SCMH1: variants seen among roughly 807,000 people sequenced by gnomAD.
SCMH1 encodes the protein polycomb protein SCMH1.
A neutral mutation model predicts 70.8 loss-of-function variants in SCMH1; 37 were observed. The observed-to-expected ratio is 0.52, with a 90% confidence interval of 0.40 to 0.69. The LOEUF (loss-of-function observed/expected upper bound fraction) is 0.69, where lower values mean the gene tolerates loss of function less well. Among genes scored for constraint, SCMH1 ranks in the 30% least tolerant of loss-of-function variants. The pLI is 0.00. For synonymous variants in SCMH1, 292 were observed against 307.4 expected (o/e 0.95, Z 0.52); for missense variants, 607 against 827.3 (o/e 0.73, Z 3.27).
intron 1 of SCMH1, among the ~76,000 whole-genome samples, chr1:41,236,974 G>C (rs1049719047): frequency 1.3e-5 from 2 of 152,214 alleles, no homozygotes; most frequent in African/African-American, 4.8e-5. Flanking sequence ...TTGGAATGCT[G>C]TGGTTAAATT....
chr1:41,167,820 A>G (rs182109083), intron 2 of SCMH1, among the ~76,000 whole-genome samples: 1 of 151,776 alleles, frequency 6.6e-6, no homozygotes, highest in Non-Finnish European at 1.5e-5. Flanking sequence ...AGTGGGGATA[A>G]ATTCTGTTTT....
intron 2 of SCMH1, among the ~76,000 whole-genome samples, chr1:41,177,615 G>C (rs187982829): frequency 1.1e-3 from 163 of 152,308 alleles, no homozygotes; most frequent in African/African-American, 3.4e-3. Flanking sequence ...TAGCCGATTT[G>C]ATCAACTGGA....
chr1:41,155,193 A>G (rs28533882), intron 4 of SCMH1, among the ~76,000 whole-genome samples: 11,880 of 151,968 alleles, frequency 0.078, 597 homozygotes, highest in South Asian at 0.13. Flanking sequence ...ATTAAAAAAG[A>G]AAAAAAGGTA....
chr1:41,058,137 A>T (rs1651145303), intron 10 of SCMH1, among the ~76,000 whole-genome samples: 1 of 148,990 alleles, frequency 6.7e-6, no homozygotes, highest in Non-Finnish European at 1.5e-5. Context: ...AAAAAAAAAG[A>T]AAAAGAAAAA....
chr1:41,108,002 C>G (rs1229616613), intron 8 of SCMH1, among the ~76,000 whole-genome samples: 1 of 152,116 alleles, frequency 6.6e-6, no homozygotes, highest in Non-Finnish European at 1.5e-5. Flanking sequence ...CCCTCCAGAC[C>G]AGTGTAAGAA....
chr1:41,054,126 G>T (rs1158553497), intron 10 of SCMH1, among the ~76,000 whole-genome samples: 1 of 152,148 alleles, frequency 6.6e-6, no homozygotes, highest in Non-Finnish European at 1.5e-5. Flanking sequence ...TTACAGGTGT[G>T]AACCACCGCG....
At chr1:41,064,921 T>C (rs558192069) in intron 10 of SCMH1, among the ~76,000 whole-genome samples, 18 of 151,192 alleles carry the variant, frequency 1.2e-4, no homozygotes, top group African/African-American at 4.4e-4. Flanking sequence ...TTTCAAAAAA[T>C]AAAACAAACC....
At chr1:41,180,888 A>G (rs1207290936) in intron 2 of SCMH1, among the ~76,000 whole-genome samples, 7 of 152,228 alleles carry the variant, frequency 4.6e-5, no homozygotes, top group Non-Finnish European at 1.0e-4. Context: ...CCACATTGCC[A>G]AGTCAATCCT....
chr1:41,084,618 C>T (rs1410201335), intron 8 of SCMH1, among the ~76,000 whole-genome samples: 1 of 152,018 alleles, frequency 6.6e-6, no homozygotes, highest in African/African-American at 2.4e-5. Flanking sequence ...CCAGCCATCC[C>T]ATTACTGGGT....
intron 10 of SCMH1, 122 bp from the exon 11 acceptor site, chr1:41,049,012 G>T: frequency 1.1e-6 from 1 of 907,848 alleles, no homozygotes; most frequent in Non-Finnish European, 1.6e-6. Context: ...CCTAGCAGCT[G>T]AGCTGGTGAA....
chr1:41,085,582 T>C (rs1053041350), intron 8 of SCMH1, among the ~76,000 whole-genome samples: 1 of 152,208 alleles, frequency 6.6e-6, no homozygotes, highest in Non-Finnish European at 1.5e-5. Flanking sequence ...AAACAATCTG[T>C]ATTTGTAGAT....
chr1:41,071,598 C>T (rs1401059799), intron 9 of SCMH1, among the ~76,000 whole-genome samples: 1 of 151,994 alleles, frequency 6.6e-6, no homozygotes, highest in Non-Finnish European at 1.5e-5. Flanking sequence ...TATTATTTCC[C>T]CTACACTGTT....
chr1:41,085,046 C>G (rs1461171793), intron 8 of SCMH1, among the ~76,000 whole-genome samples: 2 of 151,232 alleles, frequency 1.3e-5, no homozygotes, highest in African/African-American at 4.9e-5. Context: ...TTAGTGGGTG[C>G]AGCACACCAG....
chr1:41,031,655 T>A (rs1262421263), intron 13 of SCMH1, among the ~76,000 whole-genome samples: 1 of 152,172 alleles, frequency 6.6e-6, no homozygotes, highest in Non-Finnish European at 1.5e-5. Context: ...CACTTCTCCC[T>A]GTCTTAAAAG....
chr1:41,146,518 C>T (rs1454997931), intron 5 of SCMH1, among the ~76,000 whole-genome samples: 1 of 151,948 alleles, frequency 6.6e-6, no homozygotes. Flanking sequence ...TACGGGTGTA[C>T]AAGTTTTAAT....
intron 1 of SCMH1, among the ~76,000 whole-genome samples, chr1:41,214,792 G>C (rs1657753935): frequency 6.6e-6 from 1 of 151,948 alleles, no homozygotes; most frequent in African/African-American, 2.4e-5. Context: ...GGTGTCCAAA[G>C]GAAAAAGCTT....
chr1:41,067,607 T>A (rs1285587882), intron 10 of SCMH1, among the ~76,000 whole-genome samples: 1 of 151,996 alleles, frequency 6.6e-6, no homozygotes, highest in African/African-American at 2.4e-5. Flanking sequence ...AAGACAAATC[T>A]ATGGAGACAA....
At chr1:41,064,937 C>G (rs999753337) in intron 10 of SCMH1, among the ~76,000 whole-genome samples, 9 of 151,810 alleles carry the variant, frequency 5.9e-5, no homozygotes, top group Non-Finnish European at 8.8e-5. Flanking sequence ...AAACCAAACC[C>G]TCACAATACC....
At chr1:41,198,672 G>A (rs1039854739) in intron 1 of SCMH1, among the ~76,000 whole-genome samples, 7 of 152,186 alleles carry the variant, frequency 4.6e-5, no homozygotes, top group Admixed American at 1.3e-4. Context: ...GCTACAGGGT[G>A]TGACAGTGAC....
Sources: allele counts gnomAD v4.1 joint callset (sites outside exome capture counted in the v4.1 genomes callset), GRCh38; gene constraint gnomAD v4.1.1; transcripts MANE v1.5; gene names NCBI Gene and HGNC (gene_info 2026-07-23, HGNC 2026-07-21).